GREB1L: variants seen among roughly 807,000 people sequenced by gnomAD.
GREB1L encodes the protein GREB1-like protein.
Under a neutral mutation model 200.8 loss-of-function variants are expected in GREB1L, and 17 were observed. The observed-to-expected ratio is 0.08, with a 90% CI of 0.06 to 0.13. GREB1L has a LOEUF of 0.13. Ranked by LOEUF, GREB1L falls within the 10% of genes least tolerant of loss-of-function variation. GREB1L has a pLI of 1.00. For synonymous variants in GREB1L, 789 were observed against 893.0 expected (o/e 0.88, Z 2.08); for missense variants, 1,657 against 2,367.7 (o/e 0.70, Z 6.23).
At chr18:21,488,734 G>A (rs2036219688) in intron 18 of GREB1L, among the ~76,000 whole-genome samples, 1 of 152,120 alleles carries the variant, frequency 6.6e-6, no homozygotes, top group Non-Finnish European at 1.5e-5. Context: ...TCGGCTCACT[G>A]TAACCTCCAC....
At chr18:21,521,657 A>G (rs2037601449) in intron 32 of GREB1L, among the ~76,000 whole-genome samples, 2 of 152,036 alleles carry the variant, frequency 1.3e-5, no homozygotes, top group Non-Finnish European at 2.9e-5. Context: ...TTGCTGGCAT[A>G]TAGTGGGCAG....
chr18:21,515,343 G>A (rs1456117723), intron 28 of GREB1L, 74 bp from the exon 29 acceptor site: 2 of 960,508 alleles, frequency 2.1e-6, no homozygotes, highest in Non-Finnish European at 3.2e-6. Flanking sequence ...GTATATAGTA[G>A]TGTGTAGACA....
At chr18:21,445,540 A>G (rs7235880) in intron 11 of GREB1L, among the ~76,000 whole-genome samples, 3 of 152,088 alleles carry the variant, frequency 2.0e-5, no homozygotes, top group Non-Finnish European at 4.4e-5. Flanking sequence ...TAAAAATATT[A>G]GTATGCACTC....
chr18:21,454,015 A>G (rs1367270929), intron 14 of GREB1L, among the ~76,000 whole-genome samples: 1 of 152,096 alleles, frequency 6.6e-6, no homozygotes, highest in African/African-American at 2.4e-5. Flanking sequence ...TGGAAATGCT[A>G]CCCTTTCCAG....
At chr18:21,468,501 T>TTA (rs2035353205) in intron 15 of GREB1L, among the ~76,000 whole-genome samples, 1 of 152,204 alleles carries the variant, frequency 6.6e-6, no homozygotes, top group Admixed American at 6.5e-5. Context: ...AGCCATTGAA[T>TTA]TATACATTAT....
Position 21,471,585 on chromosome 18 carries a change from C to G in GREB1L, c.2183-1446C>G, listed in dbSNP as rs184927315. 1.7e-3 allele frequency among the ~76,000 whole-genome samples: 252 copies of G among 151,548 alleles called. 1 individual carries two copies. The highest frequency in any genetic ancestry group is 6.0e-3 in the African/African-American group (246 of 41,050). On this transcript the variant is annotated intron_variant, in intron 15 of 32. Coordinates refer to ENST00000424526, the MANE Select transcript of GREB1L (RefSeq NM_001142966.3). ...CAGTAGATGATCAATAAATAGCTAT[C>G]GAAGGTTGAATGAGTTTTTTCCTCT...
intron 2 of GREB1L, among the ~76,000 whole-genome samples, chr18:21,379,185 G>A (rs2040200935): frequency 6.6e-6 from 1 of 152,158 alleles, no homozygotes; most frequent in South Asian, 2.1e-4. Context: ...AAAAAGACCT[G>A]TTGGAGAATG....
chr18:21,379,212 T>C (rs2040202153), intron 2 of GREB1L, among the ~76,000 whole-genome samples: 1 of 152,210 alleles, frequency 6.6e-6, no homozygotes, highest in Non-Finnish European at 1.5e-5. Context: ...TTCAAGATTT[T>C]CTTTTTTATT....
At chr18:21,309,793 T>A (rs1203592607) in intron 1 of GREB1L, among the ~76,000 whole-genome samples, 1 of 152,138 alleles carries the variant, frequency 6.6e-6, no homozygotes, top group African/African-American at 2.4e-5. Flanking sequence ...GGTCTAGCAA[T>A]GTCTGGAGAC....
chr18:21,495,666 G>A lies in GREB1L; in HGVS notation c.3031-4G>A, dbSNP rs1283145474. On this transcript the variant is annotated splice_polypyrimidine_tract_variant and splice_region_variant and intron_variant, in intron 19 of 32. Transcript: ENST00000424526. ...AATTTTAACATACGGGTCTCTTTCT[G>A]TAGAGTTGGAGAGGAAATGAACCAG... The A allele has an allele frequency of 7.0e-7, 1 of 1,428,470 alleles. No homozygotes were observed. Among genetic ancestry groups the A allele is most frequent in the Non-Finnish European group, 9.6e-7 (1 of 1,039,350 alleles). The allele number at this position is 1,428,470 out of a possible 1,614,324, so 88.5% of individuals were successfully genotyped here. A position where few individuals can be genotyped will look rare whatever the true frequency, so the allele number is the denominator to read the frequency against.
intron 1 of GREB1L, among the ~76,000 whole-genome samples, chr18:21,282,155 A>G (rs1019677331): frequency 6.6e-6 from 1 of 152,120 alleles, no homozygotes; most frequent in African/African-American, 2.4e-5. Context: ...ATGTGCCTGT[A>G]GCCCCAGCTA....
chr18:21,437,522 G>A (rs988059393), intron 7 of GREB1L, among the ~76,000 whole-genome samples: 1 of 151,898 alleles, frequency 6.6e-6, no homozygotes, highest in African/African-American at 2.4e-5. Context: ...ACTGGCTTAT[G>A]TGCCTCCTGA....
chr18:21,317,122 C>T (rs1228273775), intron 1 of GREB1L, among the ~76,000 whole-genome samples: 4 of 151,960 alleles, frequency 2.6e-5, no homozygotes, highest in East Asian at 3.9e-4. Context: ...TGCCGTGTTA[C>T]GTGCCTATAA....
At chr18:21,314,017 T>C (rs1013474310) in intron 1 of GREB1L, among the ~76,000 whole-genome samples, 1 of 152,214 alleles carries the variant, frequency 6.6e-6, no homozygotes, top group African/African-American at 2.4e-5. Context: ...CTTATCCTAC[T>C]GTCAAAAAGT....
intron 1 of GREB1L, among the ~76,000 whole-genome samples, chr18:21,321,084 A>G (rs1258024695): frequency 6.6e-6 from 1 of 152,038 alleles, no homozygotes; most frequent in African/African-American, 2.4e-5. Context: ...ACCTGAGGTC[A>G]GGAGGTCAAG....
chr18:21,489,920 C>A, intron 18 of GREB1L, 92 bp from the exon 19 acceptor site: 1 of 891,628 alleles, frequency 1.1e-6, no homozygotes, highest in South Asian at 1.7e-5. Context: ...GCCCCTTCCC[C>A]ACCATGCTTA....
intron 9 of GREB1L, 146 bp downstream of exon 9, chr18:21,440,534 T>A: frequency 3.9e-6 from 3 of 777,204 alleles, no homozygotes; most frequent in Admixed American, 2.7e-5. Flanking sequence ...ACATTTGCCT[T>A]CCCTACATGC....
At chr18:21,298,207 T>C (rs2038560613) in intron 1 of GREB1L, among the ~76,000 whole-genome samples, 1 of 152,170 alleles carries the variant, frequency 6.6e-6, no homozygotes, top group Non-Finnish European at 1.5e-5. Context: ...CTGGGAATTC[T>C]TCCCTAGTTA....
intron 7 of GREB1L, among the ~76,000 whole-genome samples, chr18:21,414,728 G>C (rs1163434035): frequency 6.6e-6 from 1 of 152,112 alleles, no homozygotes; most frequent in Non-Finnish European, 1.5e-5. Flanking sequence ...CGGGGTAGTA[G>C]GAACAGGAAA....
Sources: gnomAD v4.1 joint callset for allele counts (sites outside exome capture counted in the v4.1 genomes callset) on GRCh38, gnomAD v4.1.1 for gene constraint, MANE v1.5 for transcripts, NCBI Gene and HGNC (gene_info 2026-07-23, HGNC 2026-07-21) for gene names.